MIPEP: variants seen among roughly 807,000 people sequenced by gnomAD.
MIPEP encodes the protein mitochondrial intermediate peptidase.
A neutral mutation model predicts 90.3 loss-of-function variants in MIPEP; 79 were observed. The observed-to-expected ratio is 0.87, with a 90% CI of 0.73 to 1.05. The LOEUF (loss-of-function observed/expected upper bound fraction) is 1.05, where lower values mean the gene tolerates loss of function less well. Ranked by LOEUF, MIPEP falls within the 50% of genes least tolerant of loss-of-function variation. MIPEP has a pLI of 0.00. For missense variants in MIPEP, 940 were observed against 905.6 expected, an observed-to-expected ratio of 1.04 and a Z score of -0.49; for synonymous variants, 334 against 315.8, an observed-to-expected ratio of 1.06 and a Z score of -0.61.
At chr13:23,735,271 C>A (rs1158557934) in intron 18 of MIPEP, among the ~76,000 whole-genome samples, 1 of 152,124 alleles carries the variant, frequency 6.6e-6, no homozygotes, top group Non-Finnish European at 1.5e-5. Flanking sequence ...GGCTTTGGAG[C>A]CCCCCTTCCT....
intron 16 of MIPEP, among the ~76,000 whole-genome samples, chr13:23,796,488 A>C (rs950440274): frequency 6.6e-6 from 1 of 152,172 alleles, no homozygotes; most frequent in African/African-American, 2.4e-5. Context: ...AAACTCTAGT[A>C]GTAATAATAT....
intron 17 of MIPEP, among the ~76,000 whole-genome samples, chr13:23,758,650 C>T (rs1216844833): frequency 4.6e-5 from 7 of 152,178 alleles, no homozygotes; most frequent in Admixed American, 4.6e-4. Flanking sequence ...CAAATGTCTA[C>T]AGTCTGCAAA....
At chr13:23,760,974 C>T (rs1164194608) in intron 16 of MIPEP, among the ~76,000 whole-genome samples, 4 of 152,078 alleles carry the variant, frequency 2.6e-5, no homozygotes, top group Admixed American at 2.6e-4. Flanking sequence ...GCATGAACTG[C>T]TTTTCATGAA....
chr13:23,747,320 C>T (rs1344673894), intron 18 of MIPEP, among the ~76,000 whole-genome samples: 2 of 152,132 alleles, frequency 1.3e-5, no homozygotes, highest in South Asian at 2.1e-4. Context: ...ATCATTTAGG[C>T]GGGATCTCTT....
intron 16 of MIPEP, among the ~76,000 whole-genome samples, chr13:23,788,333 A>G (rs569365922): frequency 6.6e-6 from 1 of 152,282 alleles, no homozygotes; most frequent in Non-Finnish European, 1.5e-5. Flanking sequence ...GATCACATGA[A>G]CCCTAAAATC....
At chr13:23,882,071 C>CTTTT (rs553989994) in intron 2 of MIPEP, among the ~76,000 whole-genome samples, 13 of 98,488 alleles carry the variant, frequency 1.3e-4, no homozygotes, top group African/African-American at 1.9e-4. Flanking sequence ...TTCTTTCTTT[C>CTTTT]TTTTTTTTTT....
rs1487427097 is a variant in MIPEP at position 23,775,375 on chromosome 13, C to T, written c.1849-15158G>A. On this transcript the variant is annotated intron_variant, in intron 16 of 18. Coordinates refer to ENST00000382172, the MANE Select transcript of MIPEP (RefSeq NM_005932.4). ...CAGTCTTTCACCCTGAGTATAATGT[C>T]AGCTGTGGGCTTTTTCTAGGTGCTC... Among the ~76,000 whole-genome samples, 7 of 152,180 alleles carry T rather than the reference C, an allele frequency of 4.6e-5. 1 individual carries two copies. The highest frequency in any genetic ancestry group is 1.3e-4 in the Admixed American group (2 of 15,280).
chr13:23,760,156 A>T lies in MIPEP; in HGVS notation c.1910T>A (p.Met637Lys). The T allele has an allele frequency of 6.2e-7, 1 of 1,614,138 alleles. No homozygotes were observed. The highest frequency in any genetic ancestry group is 2.2e-5 in the East Asian group (1 of 44,874). Residue 637 changes from methionine to lysine, a missense_variant, in exon 17 of 19, where the codon ATG becomes AAG. By Grantham distance (95) the Met-to-Lys change is moderately conservative (BLOSUM62 -1). Coordinates refer to ENST00000382172, the MANE Select transcript of MIPEP (RefSeq NM_005932.4). ...AACCATGGAGGCGACCGCTCTGGAC[A>T]TGAGGTAAGAGTAATATCTAGCACC... ...GYGARYYSYL[M>K]SRAVASMVWK...
intron 18 of MIPEP, among the ~76,000 whole-genome samples, chr13:23,754,582 T>A (rs568869842): frequency 6.6e-6 from 1 of 152,354 alleles, no homozygotes; most frequent in East Asian, 1.9e-4. Context: ...TGAGAGTTAG[T>A]TGCAACATTC....
chr13:23,827,717 G>C (rs901883589), intron 14 of MIPEP, among the ~76,000 whole-genome samples: 2 of 152,070 alleles, frequency 1.3e-5, no homozygotes, highest in Non-Finnish European at 2.9e-5. Flanking sequence ...GGATCAACTG[G>C]GGTCAGGAGC....
rs181464388 is a variant in MIPEP at position 23,870,206 on chromosome 13, G to A, written c.604-11C>T. 3.4e-4 allele frequency: 520 copies of A among 1,511,672 alleles called. 5 individuals are homozygous for A. In the East Asian group the frequency reaches 7.2e-3, roughly 21 times the overall value. 93.6% of individuals were successfully genotyped at this position (1,511,672 alleles called of 1,614,324 possible). On this transcript the variant is annotated splice_polypyrimidine_tract_variant and intron_variant, in intron 5 of 18. Transcript: ENST00000382172. ...CACTGCTCTTTTACGCTGTATGCAG[G>A]AGGAGTAAAAGTTATTTAAAGGCGT...
intron 16 of MIPEP, among the ~76,000 whole-genome samples, chr13:23,803,197 T>C (rs1197342559): frequency 1.3e-5 from 2 of 151,966 alleles, no homozygotes; most frequent in Non-Finnish European, 2.9e-5. Context: ...ACCCCGTCTC[T>C]ACTAAAAAAA....
chr13:23,789,261 GA>G (rs1220153449), intron 16 of MIPEP, among the ~76,000 whole-genome samples: 1 of 152,144 alleles, frequency 6.6e-6, no homozygotes, highest in Admixed American at 6.5e-5. Flanking sequence ...TGTTTTATGA[GA>G]GAAGTTCAAA....
intron 12 of MIPEP, among the ~76,000 whole-genome samples, chr13:23,838,400 A>T (rs1869149995): frequency 1.3e-5 from 2 of 152,196 alleles, no homozygotes; most frequent in South Asian, 2.1e-4. Context: ...TGCCAGCCTC[A>T]GCCTCCTAAA....
At chr13:23,763,773 G>A (rs971502357) in intron 16 of MIPEP, among the ~76,000 whole-genome samples, 2 of 152,114 alleles carry the variant, frequency 1.3e-5, no homozygotes, top group South Asian at 2.1e-4. Flanking sequence ...CACATGCCCC[G>A]TTGTGTCTTG....
At chr13:23,753,980 A>C (rs1565982221) in intron 18 of MIPEP, among the ~76,000 whole-genome samples, 1 of 152,194 alleles carries the variant, frequency 6.6e-6, no homozygotes, top group Non-Finnish European at 1.5e-5. Context: ...AGGGAGGTAC[A>C]TAGTTTGAAG....
At chr13:23,869,580 G>C (rs1035952201) in intron 6 of MIPEP, 132 bp from the exon 7 acceptor site, 1 of 829,108 alleles carries the variant, frequency 1.2e-6, no homozygotes, top group Non-Finnish European at 1.8e-6. Context: ...TGGTCTACAC[G>C]AGGCCATAAA....
At chr13:23,804,035 G>A (rs1036369796) in intron 16 of MIPEP, among the ~76,000 whole-genome samples, 1 of 152,126 alleles carries the variant, frequency 6.6e-6, no homozygotes, top group Non-Finnish European at 1.5e-5. Flanking sequence ...AAAGGAATTA[G>A]GACAAGGCAC....
At chr13:23,824,613 C>T (rs538469989) in intron 14 of MIPEP, among the ~76,000 whole-genome samples, 2 of 152,340 alleles carry the variant, frequency 1.3e-5, no homozygotes, top group East Asian at 3.9e-4. Flanking sequence ...TGTGTCACAG[C>T]ACTGCATTTC....
Sources: allele counts gnomAD v4.1 joint callset (sites outside exome capture counted in the v4.1 genomes callset), GRCh38; gene constraint gnomAD v4.1.1; transcripts MANE v1.5; gene names NCBI Gene and HGNC (gene_info 2026-07-23, HGNC 2026-07-21).